ATRN: variants seen among roughly 807,000 people sequenced by gnomAD.
The protein encoded by ATRN is attractin.
Under a neutral mutation model 178.7 loss-of-function variants are expected in ATRN, and 54 were observed. That is an observed-to-expected ratio of 0.30 (90% CI 0.24 to 0.38). ATRN has a LOEUF of 0.38. ATRN is among the 10% of genes least tolerant of loss of function. The pLI is 1.00. For missense variants in ATRN, 1,443 were observed against 1,815.1 expected, an observed-to-expected ratio of 0.79 and a Z score of 3.73; for synonymous variants, 636 against 663.0, an observed-to-expected ratio of 0.96 and a Z score of 0.63.
intron 8 of ATRN, among the ~76,000 whole-genome samples, chr20:3,561,324 A>G (rs902202881): frequency 6.9e-6 from 1 of 145,282 alleles, no homozygotes; most frequent in African/African-American, 2.8e-5. Context: ...CTCCGTCTCA[A>G]AACAAACAAA....
At chr20:3,499,653 C>A (rs1250375145) in intron 1 of ATRN, among the ~76,000 whole-genome samples, 4 of 147,020 alleles carry the variant, frequency 2.7e-5, no homozygotes, top group Non-Finnish European at 6.0e-5. Flanking sequence ...GAAACTGGAT[C>A]CCTTCCTTAC....
At chr20:3,567,311 A>G (rs1006170676) in intron 11 of ATRN, among the ~76,000 whole-genome samples, 2 of 152,222 alleles carry the variant, frequency 1.3e-5, no homozygotes, top group Non-Finnish European at 2.9e-5. Flanking sequence ...GATTTGGCAC[A>G]TAATAGACAT....
Position 3,638,741 on chromosome 20 carries a change from G to A in ATRN, c.3943-87G>A, listed in dbSNP as rs1055137590. ...GGACTTGATTTGTTTGAATCAGGGA[G>A]GATGAGGTGTTTTTAACATGTAGCA... is the stretch of plus-strand genomic sequence containing the variant. On this transcript the variant is annotated intron_variant, in intron 26 of 28. Transcript: ENST00000262919. This position sits in a 1 kb window ranked among gnomAD's most constrained non-coding sequence, Gnocchi z 4.5. 5.6e-6 allele frequency: 6 copies of A among 1,077,734 alleles called. No homozygotes were observed. In the African/African-American group the frequency reaches 9.5e-5, roughly 17 times the overall value. 66.8% of individuals were successfully genotyped at this position (1,077,734 alleles called of 1,614,324 possible). A position where few individuals can be genotyped will look rare whatever the true frequency, so the allele number is the denominator to read the frequency against.
At chr20:3,640,225 T>C (rs1045280293) in intron 27 of ATRN, among the ~76,000 whole-genome samples, 4 of 152,176 alleles carry the variant, frequency 2.6e-5, no homozygotes, top group Admixed American at 2.6e-4. Flanking sequence ...ATTTTTTAAA[T>C]AAATAAACTC....
At chr20:3,522,129 A>G (rs1429781609) in intron 1 of ATRN, among the ~76,000 whole-genome samples, 2 of 152,214 alleles carry the variant, frequency 1.3e-5, no homozygotes, top group Non-Finnish European at 2.9e-5. Context: ...TAACTAGAAA[A>G]ATTCCCCCAA....
intron 24 of ATRN, among the ~76,000 whole-genome samples, chr20:3,617,227 T>C (rs596720): frequency 0.58 from 88,094 of 152,002 alleles, 26,418 homozygotes; most frequent in East Asian, 0.97. Context: ...GATTGGATTG[T>C]TGTTGGTTAG....
chr20:3,566,383 C>T (rs888523634), intron 11 of ATRN, among the ~76,000 whole-genome samples: 1 of 152,118 alleles, frequency 6.6e-6, no homozygotes, highest in Non-Finnish European at 1.5e-5. Flanking sequence ...TTACAGTGTG[C>T]TTTAAAGATT....
At chr20:3,537,444 C>G (rs2085551835) in intron 2 of ATRN, among the ~76,000 whole-genome samples, 1 of 151,366 alleles carries the variant, frequency 6.6e-6, no homozygotes, top group Non-Finnish European at 1.5e-5. Context: ...GAGAAAACCA[C>G]TGTGCTTCTA....
chr20:3,489,662 C>G, intron 1 of ATRN: 1 of 1,534,774 alleles, frequency 6.5e-7, no homozygotes, highest in Non-Finnish European at 9.0e-7. Context: ...ATTTGGCCCA[C>G]AAGGAGACAG....
At chr20:3,606,208 C>T (rs1167002605) in intron 24 of ATRN, among the ~76,000 whole-genome samples, 1 of 152,220 alleles carries the variant, frequency 6.6e-6, no homozygotes, top group African/African-American at 2.4e-5. Flanking sequence ...TCACAATGGT[C>T]TGGCCTCTTC....
At chr20:3,507,742 A>G (rs1284870824) in intron 1 of ATRN, among the ~76,000 whole-genome samples, 1 of 135,424 alleles carries the variant, frequency 7.4e-6, no homozygotes, top group Non-Finnish European at 1.5e-5. Flanking sequence ...CTCTGTTGCC[A>G]GGCTGGATCT....
At chr20:3,622,516 C>T (rs977011124) in intron 24 of ATRN, among the ~76,000 whole-genome samples, 8 of 152,126 alleles carry the variant, frequency 5.3e-5, no homozygotes, top group Non-Finnish European at 7.3e-5. Flanking sequence ...TTAATTACCT[C>T]GTGTAATTTT....
chr20:3,609,334 AG>A (rs567308249), intron 24 of ATRN, among the ~76,000 whole-genome samples: 125 of 152,260 alleles, frequency 8.2e-4, no homozygotes, highest in African/African-American at 3.0e-3. Flanking sequence ...TTCTTTTGCT[AG>A]TTCGTTGCTC....
intron 18 of ATRN, among the ~76,000 whole-genome samples, chr20:3,585,882 C>A (rs2086350113): frequency 6.6e-6 from 1 of 152,122 alleles, no homozygotes; most frequent in South Asian, 2.1e-4. Flanking sequence ...CAAGTCAAAG[C>A]CACAATGAGA....
intron 6 of ATRN, among the ~76,000 whole-genome samples, chr20:3,551,926 A>G (rs235594): frequency 0.79 from 120,163 of 152,120 alleles, 47,842 homozygotes; most frequent in East Asian, 1. Context: ...ACCCTGTTGT[A>G]TCACTGGCCA....
chr20:3,524,387 C>T (rs749836078), intron 1 of ATRN, among the ~76,000 whole-genome samples: 2 of 152,016 alleles, frequency 1.3e-5, no homozygotes, highest in Non-Finnish European at 2.9e-5. Context: ...TATATGCACC[C>T]AATACAGGAG....
intron 1 of ATRN, among the ~76,000 whole-genome samples, chr20:3,519,516 A>T (rs1014642029): frequency 2.0e-5 from 3 of 152,210 alleles, no homozygotes; most frequent in African/African-American, 7.2e-5. Context: ...AAAGATAGAA[A>T]TCATGAAAGC....
At chr20:3,508,786 A>C (rs907113927) in intron 1 of ATRN, among the ~76,000 whole-genome samples, 1 of 152,176 alleles carries the variant, frequency 6.6e-6, no homozygotes, top group African/African-American at 2.4e-5. Flanking sequence ...TTTAGAATAT[A>C]GAATTGAAAT....
chr20:3,638,758 C>G lies in ATRN; in HGVS notation c.3943-70C>G. The G allele has an allele frequency of 7.6e-7, 1 of 1,323,518 alleles. No individual in the cohort carries two copies. The highest frequency in any genetic ancestry group is 1.1e-6 in the Non-Finnish European group (1 of 933,068). The allele number at this position is 1,323,518 out of a possible 1,614,324, so 82.0% of individuals were successfully genotyped here. ...ATCAGGGAGGATGAGGTGTTTTTAACATGTAGCATTAACTAATAAAACCCC... is the reference window on the plus strand; with the variant it reads ...ATCAGGGAGGATGAGGTGTTTTTAAGATGTAGCATTAACTAATAAAACCCC... On this transcript the variant is annotated intron_variant, in intron 26 of 28. Transcript: ENST00000262919. This position sits in a 1 kb window ranked among gnomAD's most constrained non-coding sequence, Gnocchi z 4.5.
Sources: gnomAD v4.1 joint callset for allele counts (sites outside exome capture counted in the v4.1 genomes callset) on GRCh38, gnomAD v4.1.1 for gene constraint, Gnocchi (gnomAD v3.1) non-coding constraint, MANE v1.5 for transcripts, NCBI Gene and HGNC (gene_info 2026-07-23, HGNC 2026-07-21) for gene names.